The following KCNMA1 variants were observed in gnomAD, a reference collection of about 807,000 sequenced individuals.
KCNMA1 encodes Calcium-activated potassium channel subunit alpha-1.
A neutral mutation model predicts 140.0 loss-of-function variants in KCNMA1; 29 were observed. The ratio of observed to expected loss-of-function variants is 0.21; its 90% CI spans 0.15 to 0.28. KCNMA1 has a LOEUF of 0.28. Ranked by LOEUF, KCNMA1 falls within the 10% of genes least tolerant of loss-of-function variation. The pLI is 1.00. For synonymous variants in KCNMA1, 612 were observed against 611.9 expected (o/e 1.00, Z 0.00); for missense variants, 880 against 1,602.2 (o/e 0.55, Z 7.70).
intron 1 of KCNMA1, among the ~76,000 whole-genome samples, chr10:77,573,642 G>GGAATAGAATA (rs57641471): frequency 3.1e-5 from 2 of 65,292 alleles, no homozygotes; most frequent in African/African-American, 1.1e-4. Flanking sequence ...GGAATGGAAT[G>GGAATAGAATA]GAATAGAATA....
intron 29 of KCNMA1, among the ~76,000 whole-genome samples, chr10:76,879,098 G>A (rs367627998): frequency 9.9e-5 from 15 of 151,986 alleles, no homozygotes; most frequent in East Asian, 5.8e-4. Flanking sequence ...GATAGGGGGC[G>A]TTGGGGGTGG....
intron 2 of KCNMA1, among the ~76,000 whole-genome samples, chr10:77,318,934 G>T (rs368196034): frequency 6.6e-6 from 1 of 152,142 alleles, no homozygotes; most frequent in Admixed American, 6.5e-5. Context: ...CTGCTGGCCC[G>T]CTGCAAGCCT....
chr10:77,364,811 A>C (rs191657864), intron 2 of KCNMA1, among the ~76,000 whole-genome samples: 109 of 152,264 alleles, frequency 7.2e-4, no homozygotes, highest in Admixed American at 1.6e-3. Flanking sequence ...ACAGCAGAGG[A>C]GACTACTTAG....
At chr10:76,999,964 T>A (rs1403804783) in intron 19 of KCNMA1, among the ~76,000 whole-genome samples, 2 of 152,198 alleles carry the variant, frequency 1.3e-5, no homozygotes, top group African/African-American at 4.8e-5. Context: ...AAGTCCCGGT[T>A]CCCTGAGCCC....
chr10:77,210,264 T>C (rs1472342110), intron 3 of KCNMA1, among the ~76,000 whole-genome samples: 4 of 152,214 alleles, frequency 2.6e-5, no homozygotes, highest in African/African-American at 9.6e-5. Context: ...GTTCAGTATA[T>C]GCAAATCAAT....
chr10:77,323,610 G>A (rs1259937263), intron 2 of KCNMA1, among the ~76,000 whole-genome samples: 2 of 152,222 alleles, frequency 1.3e-5, no homozygotes, highest in African/African-American at 4.8e-5. Context: ...TACCTATTGA[G>A]CTGCAAGAGG....
At chr10:77,091,811 A>G (rs1490017967) in intron 9 of KCNMA1, 5 of 152,240 alleles carry the variant, frequency 3.3e-5, no homozygotes, top group Non-Finnish European at 7.3e-5. Context: ...TGGCTTATGC[A>G]ATGTTCCATT....
At chr10:77,568,840 T>C (rs1348448581) in intron 1 of KCNMA1, among the ~76,000 whole-genome samples, 18 of 151,554 alleles carry the variant, frequency 1.2e-4, no homozygotes, top group African/African-American at 3.9e-4. Context: ...AAAACCCCAT[T>C]GTCTCAGCCC....
intron 1 of KCNMA1, among the ~76,000 whole-genome samples, chr10:77,578,235 C>G (rs986573105): frequency 6.6e-6 from 1 of 152,178 alleles, no homozygotes; most frequent in East Asian, 1.9e-4. Flanking sequence ...TGAGATCCCC[C>G]AATTAAATCA....
chr10:77,001,637 A>G lies in KCNMA1; in HGVS notation c.2093-57T>C, dbSNP rs2086511939. The G allele has an allele frequency of 2.8e-6, 4 of 1,423,114 alleles. No individual in the cohort carries two copies. In the African/African-American group the frequency reaches 5.7e-5, roughly 20 times the overall value. The allele number at this position is 1,423,114 out of a possible 1,614,324, so 88.2% of individuals were successfully genotyped here. A position where few individuals can be genotyped will look rare whatever the true frequency, so the allele number is the denominator to read the frequency against. On this transcript the variant is annotated intron_variant, in intron 18 of 27. Transcript: ENST00000286628. ...AAGAGCGGCAATTAATGGCAAGGTC[A>G]CACACAGCAAGGCAGCTGGAAGGGA...
intron 2 of KCNMA1, among the ~76,000 whole-genome samples, chr10:77,403,458 C>T (rs577063102): frequency 6.6e-6 from 1 of 152,224 alleles, no homozygotes; most frequent in South Asian, 2.1e-4. Context: ...GAACATCCCC[C>T]GAAGACCACC....
intron 2 of KCNMA1, among the ~76,000 whole-genome samples, chr10:77,315,240 A>G (rs1315179203): frequency 6.6e-6 from 1 of 152,210 alleles, no homozygotes; most frequent in African/African-American, 2.4e-5. Context: ...AAGGAAGACA[A>G]TGGCTTAGTG....
At chr10:76,903,208 A>AATT (rs1223125253) in intron 25 of KCNMA1, 1 of 152,230 alleles carries the variant, frequency 6.6e-6, no homozygotes, top group African/African-American at 2.4e-5. Context: ...TTTAAAGTAT[A>AATT]ATTACCGGAG....
chr10:77,479,268 GAGAC>G (rs1188690213), intron 1 of KCNMA1, among the ~76,000 whole-genome samples: 1 of 152,216 alleles, frequency 6.6e-6, no homozygotes, highest in Non-Finnish European at 1.5e-5. Context: ...ATGAAACAAA[GAGAC>G]AGAGACACTA....
At chr10:77,496,596 CAAAAAAAAA>C (rs201304328) in intron 1 of KCNMA1, among the ~76,000 whole-genome samples, 57 of 63,016 alleles carry the variant, frequency 9.0e-4, no homozygotes, top group Middle Eastern at 0.014. Context: ...GACACTGTCT[CAAAAAAAAA>C]AAAAAAAAAA....
At chr10:77,014,756 C>T (rs923198321) in intron 17 of KCNMA1, among the ~76,000 whole-genome samples, 3 of 152,152 alleles carry the variant, frequency 2.0e-5, no homozygotes, top group South Asian at 2.1e-4. Flanking sequence ...AGGCAAGGGT[C>T]GGGGGTGTCC....
At chr10:77,550,268 A>T (rs186792724) in intron 1 of KCNMA1, among the ~76,000 whole-genome samples, 121 of 152,298 alleles carry the variant, frequency 7.9e-4, no homozygotes, top group African/African-American at 2.8e-3. Flanking sequence ...ATCTTCCCCT[A>T]GGAACTCCCA....
At chr10:77,208,252 T>C (rs991920481) in intron 3 of KCNMA1, among the ~76,000 whole-genome samples, 1 of 152,222 alleles carries the variant, frequency 6.6e-6, no homozygotes, top group African/African-American at 2.4e-5. Context: ...GTTTGTTTGC[T>C]CAAATGCCCA....
chr10:77,385,885 G>A (rs916294763), intron 2 of KCNMA1, among the ~76,000 whole-genome samples: 1 of 152,180 alleles, frequency 6.6e-6, no homozygotes, highest in Non-Finnish European at 1.5e-5. Flanking sequence ...GGACTGAAGC[G>A]GGGAGATGGG....
Sources: gnomAD v4.1 joint callset for allele counts (sites outside exome capture counted in the v4.1 genomes callset) on GRCh38, gnomAD v4.1.1 for gene constraint, MANE v1.5 for transcripts, NCBI Gene and HGNC (gene_info 2026-07-23, HGNC 2026-07-21) for gene names.